The following NUDT19 variants were observed in gnomAD, a reference collection of about 807,000 sequenced individuals.
NUDT19 encodes the protein acyl-coenzyme A diphosphatase NUDT19.
In NUDT19, 31 loss-of-function variants were observed where a neutral mutation model predicts 22.2. The observed-to-expected ratio is 1.40, with a 90% confidence interval of 1.05 to 1.89. The LOEUF (loss-of-function observed/expected upper bound fraction) is 1.89, where lower values mean the gene tolerates loss of function less well. NUDT19 is among the 40% of genes most tolerant of loss of function. NUDT19 has a pLI of 0.00. For synonymous variants in NUDT19, 325 were observed against 230.8 expected (o/e 1.41, Z -3.70); for missense variants, 752 against 514.2 (o/e 1.46, Z -4.47).
At chr19:32,701,842 GTGTC>G (rs1405232917) in intron 1 of NUDT19, among the ~76,000 whole-genome samples, 1 of 152,014 alleles carries the variant, frequency 6.6e-6, no homozygotes, top group African/African-American at 2.4e-5. Context: ...TAAACTATCT[GTGTC>G]TTTATTATTT....
At chr19:32,697,533 T>C (rs748936418) in intron 1 of NUDT19, among the ~76,000 whole-genome samples, 2 of 152,144 alleles carry the variant, frequency 1.3e-5, no homozygotes, top group Non-Finnish European at 2.9e-5. Flanking sequence ...AGAACACAAG[T>C]CAGCAGATGT....
Position 32,692,647 on chromosome 19 carries a change from C to G in NUDT19, c.687C>G (p.Pro229=), listed in dbSNP as rs749386614. ...TGCGCGAGCCGCCGCCCGTCTACCC[C>G]GACTTGGCGGAGGTGGTGGGCTACC... The part of the protein sequence containing the change: ...CCLREPPPVY[P]DLAEVVGYQW... Residue 229 remains proline, a synonymous_variant, in exon 1 of 3, where the codon CCC becomes CCG. Transcript: ENST00000397061. The G allele has an allele frequency of 1.3e-6, 2 of 1,521,590 alleles. No homozygotes were observed. Among genetic ancestry groups the G allele is most frequent in the Non-Finnish European group, 1.8e-6 (2 of 1,140,004 alleles). The allele number at this position is 1,521,590 out of a possible 1,614,324, so 94.3% of individuals were successfully genotyped here. A position where few individuals can be genotyped will look rare whatever the true frequency, so the allele number is the denominator to read the frequency against.
rs564444846 is a variant in NUDT19, at chr19:32,699,363, G to A, written c.714+6689G>A. Reference sequence around the variant, plus strand: ...TGGGTGAGTCTCGCCTGTGCGACGTGACTTTCAGAGTTCCATTCATGGCTG... The same window carrying A: ...TGGGTGAGTCTCGCCTGTGCGACGTAACTTTCAGAGTTCCATTCATGGCTG... On this transcript the variant is annotated intron_variant, in intron 1 of 2. Transcript: ENST00000397061. Among the ~76,000 whole-genome samples the A allele has an allele frequency of 3.3e-5, 5 of 152,300 alleles. No individual in the cohort carries two copies. The East Asian group carries it at 9.7e-4, about 30-fold the overall frequency.
At chr19:32,700,218 T>C (rs1481834169) in intron 1 of NUDT19, among the ~76,000 whole-genome samples, 2 of 152,192 alleles carry the variant, frequency 1.3e-5, no homozygotes, top group African/African-American at 4.8e-5. Context: ...TTGGTCCATT[T>C]TACAGAGCGC....
At chr19:32,693,416 C>T (rs931573446) in intron 1 of NUDT19, among the ~76,000 whole-genome samples, 1 of 152,070 alleles carries the variant, frequency 6.6e-6, no homozygotes, top group African/African-American at 2.4e-5. Context: ...CATTTGTGGT[C>T]AGTGTTACAG....
chr19:32,703,648 C>CTTTTTTTT lies in NUDT19; in HGVS notation c.715-5512_715-5505dup, dbSNP rs60766132. ...ACAGGTGTGGGCCACTGTGCCCAGC[C>CTTTTTTTT]TTTTTTTTTTTTTTTTTTTTTTTTT... is the stretch of plus-strand genomic sequence containing the variant. On this transcript the variant is annotated intron_variant, in intron 1 of 2. Coordinates refer to ENST00000397061, the MANE Select transcript of NUDT19 (RefSeq NM_001105570.2). 2.5e-3 allele frequency among the ~76,000 whole-genome samples: 170 copies of CTTTTTTTT among 68,398 alleles called. 8 individuals carry two copies. The highest frequency in any genetic ancestry group is 4.1e-3 in the Non-Finnish European group (149 of 36,580). 44.9% of individuals were successfully genotyped at this position (68,398 alleles called of 152,430 possible).
At chr19:32,692,701 G>A (rs781295019) in intron 1 of NUDT19, 27 bp downstream of exon 1, 5 of 1,423,960 alleles carry the variant, frequency 3.5e-6, no homozygotes, top group Admixed American at 2.8e-5. Flanking sequence ...GCCTTGCTGC[G>A]GACCGCCAGG....
At chr19:32,704,354 C>A (rs1968366251) in intron 1 of NUDT19, among the ~76,000 whole-genome samples, 1 of 151,872 alleles carries the variant, frequency 6.6e-6, no homozygotes, top group South Asian at 2.1e-4. Context: ...CTCTGCCTCC[C>A]AGATTCAAGC....
intron 1 of NUDT19, among the ~76,000 whole-genome samples, chr19:32,707,217 G>A (rs560721956): frequency 2.0e-5 from 3 of 152,308 alleles, no homozygotes; most frequent in South Asian, 2.1e-4. Flanking sequence ...CTTTGTCTTC[G>A]TTGTTATCAC....
chr19:32,692,716 G>T (rs375599458), intron 1 of NUDT19, 42 bp downstream of exon 1: 1 of 1,394,212 alleles, frequency 7.2e-7, no homozygotes, highest in African/African-American at 1.5e-5. Context: ...GCCAGGACGT[G>T]AGAGGGAGGA....
At chr19:32,704,677 T>G (rs1968369665) in intron 1 of NUDT19, among the ~76,000 whole-genome samples, 1 of 152,256 alleles carries the variant, frequency 6.6e-6, no homozygotes, top group African/African-American at 2.4e-5. Flanking sequence ...TTTCTGGGTC[T>G]GTTTCTGTTG....
At position 32,692,141 on chromosome 19, in the gene NUDT19, G is replaced by A; in HGVS notation, c.181G>A (p.Val61Ile). 1.3e-6 allele frequency: 2 copies of A among 1,492,884 alleles called. No homozygotes were observed. The highest frequency in any genetic ancestry group is 1.8e-6 in the Non-Finnish European group (2 of 1,130,652). The allele number at this position is 1,492,884 out of a possible 1,614,324, so 92.5% of individuals were successfully genotyped here. ...CCAAGGCTTCATGCCGGGCGCGCACGTCTTCTCCGGCGGAGTGCTGGATGC... is the reference window on the plus strand; with the variant it reads ...CCAAGGCTTCATGCCGGGCGCGCACATCTTCTCCGGCGGAGTGCTGGATGC... ...PHQGFMPGAHVFSGGVLDAAD... is the reference protein window; with the variant it reads ...PHQGFMPGAHIFSGGVLDAAD... The change falls in exon 1 of 3, where the codon GTC becomes ATC. Residue 61 changes from valine (V) to isoleucine (I), a missense_variant. Physicochemically the swap from Val to Ile is conservative, Grantham distance 29. Coordinates refer to ENST00000397061, the MANE Select transcript of NUDT19 (RefSeq NM_001105570.2).
intron 1 of NUDT19, among the ~76,000 whole-genome samples, chr19:32,699,094 TA>T (rs1968301000): frequency 6.6e-6 from 1 of 152,182 alleles, no homozygotes; most frequent in African/African-American, 2.4e-5. Flanking sequence ...AAATTCCAGA[TA>T]ATCCCCCCTA....
intron 1 of NUDT19, among the ~76,000 whole-genome samples, chr19:32,696,395 T>G (rs1968263918): frequency 6.6e-6 from 1 of 152,194 alleles, no homozygotes; most frequent in South Asian, 2.1e-4. Context: ...TTTCCTTAGG[T>G]ATGCCACTGG....
Position 32,702,616 on chromosome 19 carries a change from GA to G in NUDT19, c.715-6561del, listed in dbSNP as rs980435888. On this transcript the variant is annotated intron_variant, in intron 1 of 2. Coordinates refer to ENST00000397061, the MANE Select transcript of NUDT19 (RefSeq NM_001105570.2). Reference sequence around the variant, plus strand: ...GAGCGAGACTCCATCTCCAAAAAGAGAAAAAAAAGTGTGTTTCTTGCAGGCA... The same window carrying G: ...GAGCGAGACTCCATCTCCAAAAAGAGAAAAAAAGTGTGTTTCTTGCAGGCA... 5.9e-5 allele frequency among the ~76,000 whole-genome samples: 9 copies of G among 151,430 alleles called. No individual in the cohort carries two copies. The South Asian group carries it at 1.0e-3, about 17-fold the overall frequency.
chr19:32,695,882 A>G (rs1968257974), intron 1 of NUDT19, among the ~76,000 whole-genome samples: 1 of 152,230 alleles, frequency 6.6e-6, no homozygotes, highest in Non-Finnish European at 1.5e-5. Flanking sequence ...AGGCTCGGGT[A>G]AGTGCCACTA....
At chr19:32,693,130 G>C (rs993455802) in intron 1 of NUDT19, among the ~76,000 whole-genome samples, 8 of 152,220 alleles carry the variant, frequency 5.3e-5, no homozygotes, top group Admixed American at 3.9e-4. Context: ...GTTCCTTCCA[G>C]TGGGTTCTTG....
chr19:32,701,199 G>GTTTTT (rs3042685), intron 1 of NUDT19, among the ~76,000 whole-genome samples: 18 of 101,020 alleles, frequency 1.8e-4, no homozygotes, highest in Non-Finnish European at 2.4e-4. Context: ...CATCTTGCAG[G>GTTTTT]TTTTTTTTTT....
intron 2 of NUDT19, among the ~76,000 whole-genome samples, chr19:32,710,973 AGAT>A: frequency 1.3e-5 from 2 of 152,194 alleles, no homozygotes; most frequent in East Asian, 3.8e-4. Flanking sequence ...ATTAACCTGA[AGAT>A]GATAAGAACA....
Sources: gnomAD v4.1 joint callset for allele counts (sites outside exome capture counted in the v4.1 genomes callset) on GRCh38, gnomAD v4.1.1 for gene constraint, MANE v1.5 for transcripts, NCBI Gene and HGNC (gene_info 2026-07-23, HGNC 2026-07-21) for gene names.